Variants in P4HA1 observed in about 807,000 individuals in gnomAD.
The protein encoded by P4HA1 is prolyl 4-hydroxylase subunit alpha-1.
Under a neutral mutation model 72.8 loss-of-function variants are expected in P4HA1, and 24 were observed. The ratio of observed to expected loss-of-function variants is 0.33; its 90% confidence interval spans 0.24 to 0.46. The LOEUF (loss-of-function observed/expected upper bound fraction) is 0.46, where lower values mean the gene tolerates loss of function less well. Ranked by LOEUF, P4HA1 falls within the 20% of genes least tolerant of loss-of-function variation. The pLI is 1.00. For missense variants in P4HA1, 446 were observed against 640.6 expected (o/e 0.70, Z 3.28); for synonymous variants, 201 against 218.8 (o/e 0.92, Z 0.72).
At chr10:73,063,166 T>TA (rs918766160) in intron 5 of P4HA1, among the ~76,000 whole-genome samples, 8 of 152,134 alleles carry the variant, frequency 5.3e-5, no homozygotes, top group Admixed American at 4.6e-4. Context: ...GGATAATTTA[T>TA]AAAAAAACAA....
At chr10:73,079,752 A>G (rs182164940) in intron 1 of P4HA1, among the ~76,000 whole-genome samples, 110 of 152,234 alleles carry the variant, frequency 7.2e-4, no homozygotes, top group Non-Finnish European at 1.5e-3. Context: ...CAAAATAAAT[A>G]AATAAATAAA....
intron 1 of P4HA1, among the ~76,000 whole-genome samples, chr10:73,082,104 C>T (rs148394831): frequency 1.9e-4 from 29 of 152,362 alleles, no homozygotes; most frequent in Non-Finnish European, 3.4e-4. Context: ...AGCTATTCAA[C>T]ACTTTATTAT....
intron 5 of P4HA1, among the ~76,000 whole-genome samples, chr10:73,066,636 T>C (rs1293786210): frequency 2.0e-5 from 3 of 152,070 alleles, no homozygotes; most frequent in African/African-American, 4.8e-5. Flanking sequence ...TCCCGTGATA[T>C]GGTTTGGCTC....
chr10:73,080,349 C>T (rs940960587), intron 1 of P4HA1, among the ~76,000 whole-genome samples: 4 of 152,170 alleles, frequency 2.6e-5, no homozygotes, highest in South Asian at 2.1e-4. Flanking sequence ...TCTGAAAAGT[C>T]GAGATAATTT....
At chr10:73,073,620 G>T in intron 3 of P4HA1, 111 bp downstream of exon 3, 1 of 664,854 alleles carries the variant, frequency 1.5e-6, no homozygotes, top group Non-Finnish European at 2.7e-6. Flanking sequence ...CATTGCAACT[G>T]GCTTTGTAAG....
chr10:73,088,757 C>T lies in P4HA1; in HGVS notation c.-33+8009G>A, dbSNP rs114164420. Among the ~76,000 whole-genome samples the T allele has an allele frequency of 4.7e-3, 709 of 152,304 alleles. 7 individuals are homozygous for T. Among genetic ancestry groups the T allele is most frequent in the African/African-American group, 0.016 (665 of 41,558 alleles). ...TTTGCATATGAATATTCAACTGTTCCAGACTATCCTCTGTTGAACTGCCCT... is the reference window on the plus strand; with the variant it reads ...TTTGCATATGAATATTCAACTGTTCTAGACTATCCTCTGTTGAACTGCCCT... On this transcript the variant is annotated intron_variant, in intron 1 of 14. Transcript: ENST00000394890.
intron 10 of P4HA1, among the ~76,000 whole-genome samples, chr10:73,025,335 C>G (rs1185352952): frequency 6.6e-6 from 1 of 152,172 alleles, no homozygotes; most frequent in Non-Finnish European, 1.5e-5. Flanking sequence ...TAAACGTAAT[C>G]CATCACATAA....
chr10:73,078,896 G>A (rs1841764306), intron 1 of P4HA1, among the ~76,000 whole-genome samples: 1 of 152,084 alleles, frequency 6.6e-6, no homozygotes, highest in Non-Finnish European at 1.5e-5. Context: ...ACAGGCGTGA[G>A]CCACCGCGCC....
chr10:73,015,452 C>T (rs1056498727), intron 11 of P4HA1, among the ~76,000 whole-genome samples: 1 of 152,172 alleles, frequency 6.6e-6, no homozygotes, highest in Non-Finnish European at 1.5e-5. Flanking sequence ...TTAGTGCTAA[C>T]ATGACACAAG....
chr10:73,059,396 C>G (rs866435338), intron 5 of P4HA1, among the ~76,000 whole-genome samples: 1 of 131,906 alleles, frequency 7.6e-6, no homozygotes, highest in Middle Eastern at 4.5e-3. Context: ...TCAAGACAAC[C>G]CCGGGCAAAA....
intron 9 of P4HA1, among the ~76,000 whole-genome samples, chr10:73,036,186 T>A (rs1261373545): frequency 1.2e-4 from 13 of 109,388 alleles, no homozygotes; most frequent in Non-Finnish European, 1.7e-5. Context: ...AAACTCCGTC[T>A]CAAAAAAAAA....
Position 73,047,435 on chromosome 10 carries a change from C to T in P4HA1, c.901-334G>A, listed in dbSNP as rs1353716196. On this transcript the variant is annotated intron_variant, in intron 7 of 14. Transcript: ENST00000394890. ...TGTTTATGAAAATATTAAATGAATGCCTGGCATTGCTCTAAATGGCACAAA... is the reference window on the plus strand; with the variant it reads ...TGTTTATGAAAATATTAAATGAATGTCTGGCATTGCTCTAAATGGCACAAA... Among the ~76,000 whole-genome samples the T allele has an allele frequency of 2.7e-5, 4 of 149,982 alleles. 1 individual carries two copies. Among genetic ancestry groups the T allele is most frequent in the Non-Finnish European group, 5.9e-5 (4 of 67,572 alleles).
intron 11 of P4HA1, among the ~76,000 whole-genome samples, chr10:73,015,088 C>T (rs1839985525): frequency 1.3e-5 from 2 of 152,112 alleles, no homozygotes; most frequent in Non-Finnish European, 2.9e-5. Flanking sequence ...ACCTTGGCCT[C>T]CCAAAGTGCT....
chr10:73,008,225 T>C lies in P4HA1; in HGVS notation c.1602A>G (p.Glu534=). The part of the protein sequence containing the change: ...FRRPCTLSEL[E] ...GAGAAAAAGGGAAGCCTGTTTGTCA[T>C]TCCAATTCTGACAACGTACAAGGTC... The change falls in exon 15 of 15, where the codon GAA becomes GAG. Residue 534 remains glutamate, a synonymous_variant. Coordinates refer to ENST00000394890, the MANE Select transcript of P4HA1 (RefSeq NM_001017962.3). 1 of 1,597,560 alleles carries C rather than the reference T, an allele frequency of 6.3e-7. No individual in the cohort carries two copies. The highest frequency in any genetic ancestry group is 8.6e-7 in the Non-Finnish European group (1 of 1,165,230).
At chr10:73,016,920 A>G (rs1482360113) in intron 10 of P4HA1, 21 bp from the exon 11 acceptor site, 3 of 1,596,792 alleles carry the variant, frequency 1.9e-6, no homozygotes, top group Non-Finnish European at 2.6e-6. Context: ...GACACAAAGC[A>G]TGAAAGAAAA....
intron 5 of P4HA1, among the ~76,000 whole-genome samples, chr10:73,064,965 A>C (rs913218704): frequency 1.3e-5 from 2 of 152,198 alleles, no homozygotes; most frequent in Admixed American, 6.5e-5. Flanking sequence ...AATGGATCAA[A>C]ACTTAATTTG....
intron 1 of P4HA1, among the ~76,000 whole-genome samples, chr10:73,079,392 G>A (rs1217863128): frequency 1.3e-5 from 2 of 152,044 alleles, no homozygotes; most frequent in South Asian, 2.1e-4. Flanking sequence ...GGCTGCAGCG[G>A]GCCATGAATG....
intron 12 of P4HA1, 94 bp from the exon 13 acceptor site, chr10:73,011,131 G>A: frequency 2.1e-6 from 2 of 934,480 alleles, no homozygotes; most frequent in Non-Finnish European, 3.4e-6. Flanking sequence ...AGAATATTGG[G>A]AACATATGGA....
chr10:73,016,669 C>T (rs1387831985), intron 11 of P4HA1, among the ~76,000 whole-genome samples, 177 bp downstream of exon 11: 1 of 152,044 alleles, frequency 6.6e-6, no homozygotes, highest in Non-Finnish European at 1.5e-5. Flanking sequence ...CCCAGCTACT[C>T]GGGAGGCTGA....
Sources: allele counts gnomAD v4.1 joint callset (sites outside exome capture counted in the v4.1 genomes callset), GRCh38; gene constraint gnomAD v4.1.1; transcripts MANE v1.5; gene names NCBI Gene and HGNC (gene_info 2026-07-23, HGNC 2026-07-21).